NCOA6: variants seen among roughly 807,000 people sequenced by gnomAD.
The protein encoded by NCOA6 is NRC RAP250.
In NCOA6, 49 loss-of-function variants were observed where a neutral mutation model predicts 171.4. That is an observed-to-expected ratio of 0.29 (90% CI 0.23 to 0.36). The LOEUF is 0.36. Among genes scored for constraint, NCOA6 ranks in the 10% least tolerant of loss-of-function variants. The pLI, the probability that NCOA6 is intolerant of heterozygous loss-of-function variation, is 1.00. For synonymous variants in NCOA6, 910 were observed against 927.5 expected (o/e 0.98, Z 0.34); for missense variants, 2,248 against 2,554.5 (o/e 0.88, Z 2.59).
At chr20:34,770,159 C>T (rs2077104034) in intron 4 of NCOA6, among the ~76,000 whole-genome samples, 1 of 152,082 alleles carries the variant, frequency 6.6e-6, no homozygotes, top group Non-Finnish European at 1.5e-5. Flanking sequence ...CCTGCCTCAG[C>T]CTCCCGAGTA....
At chr20:34,732,120 G>A (rs912042256) in intron 13 of NCOA6, among the ~76,000 whole-genome samples, 1 of 152,240 alleles carries the variant, frequency 6.6e-6, no homozygotes, top group African/African-American at 2.4e-5. Context: ...GTTATGTGGA[G>A]CAGCACAGTG....
intron 1 of NCOA6, among the ~76,000 whole-genome samples, chr20:34,817,102 A>G (rs113789838): frequency 0.22 from 23,580 of 106,428 alleles, 4,178 homozygotes; most frequent in Middle Eastern, 0.31. Context: ...CAGCCTGGGC[A>G]ACAGAGTGAG....
At chr20:34,733,885 G>T (rs1347308733) in intron 12 of NCOA6, among the ~76,000 whole-genome samples, 1 of 142,466 alleles carries the variant, frequency 7.0e-6, no homozygotes, top group Non-Finnish European at 1.5e-5. Context: ...AAAAGGAAGG[G>T]AATCTTTGCT....
At chr20:34,761,474 C>CTT (rs1016109221) in intron 5 of NCOA6, among the ~76,000 whole-genome samples, 1 of 141,724 alleles carries the variant, frequency 7.1e-6, no homozygotes, top group African/African-American at 2.6e-5. Context: ...TTTGGTTATG[C>CTT]TTTTTTTTTT....
chr20:34,808,015 T>C (rs1256264295), intron 1 of NCOA6, among the ~76,000 whole-genome samples: 1 of 151,574 alleles, frequency 6.6e-6, no homozygotes, highest in East Asian at 2.0e-4. Context: ...CTGGGTGTGG[T>C]GGCAGGCGCC....
At chr20:34,755,012 G>C in intron 7 of NCOA6, 144 bp from the exon 8 acceptor site, 2 of 758,520 alleles carry the variant, frequency 2.6e-6, no homozygotes, top group Non-Finnish European at 4.1e-6. Context: ...TTAATAATAA[G>C]GTTGGGAAAG....
At chr20:34,817,861 C>T (rs2889861) in intron 1 of NCOA6, among the ~76,000 whole-genome samples, 90,738 of 151,938 alleles carry the variant, frequency 0.6, 27,496 homozygotes, top group South Asian at 0.76. Context: ...CCTTTCCTAA[C>T]GTACAGCTTT....
intron 3 of NCOA6, among the ~76,000 whole-genome samples, chr20:34,778,407 T>C (rs1217484936): frequency 1.3e-5 from 2 of 151,952 alleles, no homozygotes; most frequent in African/African-American, 2.4e-5. Context: ...TGGTGAGTTG[T>C]TATTCAATGG....
intron 2 of NCOA6, among the ~76,000 whole-genome samples, chr20:34,783,688 A>G (rs944564913): frequency 3.9e-5 from 6 of 152,102 alleles, no homozygotes; most frequent in African/African-American, 1.2e-4. Context: ...CGGTGGCACA[A>G]TTCGGCTCAC....
chr20:34,732,493 C>G, intron 13 of NCOA6, 66 bp downstream of exon 13: 3 of 1,483,636 alleles, frequency 2.0e-6, no homozygotes, highest in Middle Eastern at 1.7e-4. Context: ...AAGACTGAGA[C>G]AGCTGATACC....
At chr20:34,761,444 T>C (rs2076815088) in intron 5 of NCOA6, among the ~76,000 whole-genome samples, 2 of 152,112 alleles carry the variant, frequency 1.3e-5, no homozygotes, top group African/African-American at 4.8e-5. Context: ...CATTTTTACG[T>C]TTCCAAAAAT....
chr20:34,759,278 G>A (rs545568040), intron 5 of NCOA6, among the ~76,000 whole-genome samples: 1 of 152,188 alleles, frequency 6.6e-6, no homozygotes, highest in Admixed American at 6.5e-5. Flanking sequence ...GGGCTCAAGC[G>A]ATCCTCCAGC....
intron 12 of NCOA6, among the ~76,000 whole-genome samples, chr20:34,734,115 C>T (rs1265285776): frequency 6.6e-6 from 1 of 152,118 alleles, no homozygotes; most frequent in Non-Finnish European, 1.5e-5. Flanking sequence ...ACTCTGTCCC[C>T]CAGGCTGGGG....
intron 1 of NCOA6, among the ~76,000 whole-genome samples, chr20:34,811,349 A>G (rs1392358864): frequency 3.3e-5 from 5 of 151,474 alleles, no homozygotes; most frequent in African/African-American, 1.2e-4. Flanking sequence ...ATACAAGCAT[A>G]TTCTTCAGCT....
At position 34,742,556 on chromosome 20, in the gene NCOA6, G is replaced by T; in HGVS notation, c.3700C>A (p.Pro1234Thr). 6.2e-7 allele frequency: 1 copy of T among 1,614,206 alleles called. No homozygotes were observed. The highest frequency in any genetic ancestry group is 8.5e-7 in the Non-Finnish European group (1 of 1,180,050). The part of the protein sequence containing the change: ...TPNNRPPSTE[P>T]SEISLSPERL... ...TCTGGTGACAGACTGATTTCTGAAGGTTCTGTGCTGGGAGGGCGGTTGTTG... is the reference window on the plus strand; with the variant it reads ...TCTGGTGACAGACTGATTTCTGAAGTTTCTGTGCTGGGAGGGCGGTTGTTG... The change falls in exon 11 of 15, where the codon CCT (proline) becomes ACT (threonine). Residue 1234 changes from proline to threonine, a missense_variant. Physicochemically the swap from Pro to Thr is conservative, Grantham distance 38 (BLOSUM62 -1). Transcript: ENST00000359003.
Position 34,741,184 on chromosome 20 carries a change from G to A in NCOA6, c.5072C>T (p.Pro1691Leu), listed in dbSNP as rs1353483306. Residue 1691 changes from proline to leucine, a missense_variant, in exon 11 of 15, where the codon CCT becomes CTT. Physicochemically the swap from Pro to Leu is moderately conservative, Grantham distance 98. Around this residue, in one of 7 missense-constraint regions of NCOA6, gnomAD observed 884 missense variants for 941.9 expected, o/e 0.94. Coordinates refer to ENST00000359003, the MANE Select transcript of NCOA6 (RefSeq NM_014071.5). ...AGGGCCAACAACTGCAACAGAGGGA[G>A]GCATCAGGCCAGAGTTGGTTGTCAG... ...APLTTNSGLM[P>L]PSVAVVGPLH... is the part of the protein sequence containing the mutation. The A allele has an allele frequency of 1.2e-6, 2 of 1,614,114 alleles. No individual in the cohort carries two copies. Among genetic ancestry groups the A allele is most frequent in the Non-Finnish European group, 1.7e-6 (2 of 1,180,046 alleles).
At chr20:34,776,902 A>C (rs781257120) in intron 3 of NCOA6, 70 of 388,512 alleles carry the variant, frequency 1.8e-4, no homozygotes, top group Non-Finnish European at 3.0e-4. Context: ...GTGGATCACG[A>C]GGTCAGGAGT....
intron 14 of NCOA6, 78 bp downstream of exon 14, chr20:34,727,181 A>G (rs1990059872): frequency 6.7e-7 from 1 of 1,500,666 alleles, no homozygotes; most frequent in Non-Finnish European, 9.0e-7. Context: ...ATGATGAAGG[A>G]CAAAGTCTTC....
intron 2 of NCOA6, among the ~76,000 whole-genome samples, chr20:34,788,935 C>T (rs1046821495): frequency 2.0e-5 from 3 of 152,074 alleles, no homozygotes; most frequent in South Asian, 2.1e-4. Flanking sequence ...AGTGAAACTC[C>T]GTCTCAAAAA....
Sources: allele counts gnomAD v4.1 joint callset (sites outside exome capture counted in the v4.1 genomes callset), GRCh38; gene constraint gnomAD v4.1.1; regional missense constraint gnomAD v4.1.1; transcripts MANE v1.5; gene names NCBI Gene and HGNC (gene_info 2026-07-23, HGNC 2026-07-21).